SLC6A2: variants seen among roughly 807,000 people sequenced by gnomAD.
The protein encoded by SLC6A2 is sodium-dependent noradrenaline transporter.
A neutral mutation model predicts 71.7 loss-of-function variants in SLC6A2; 26 were observed. The ratio of observed to expected loss-of-function variants is 0.36; its 90% CI spans 0.27 to 0.50. SLC6A2 has a LOEUF of 0.50. Among genes scored for constraint, SLC6A2 ranks in the 20% least tolerant of loss-of-function variants. The pLI, the probability that SLC6A2 is intolerant of heterozygous loss-of-function variation, is 0.96. For missense variants in SLC6A2, 581 were observed against 803.9 expected (o/e 0.72, Z 3.35); for synonymous variants, 363 against 337.9 (o/e 1.07, Z -0.82).
At chr16:55,688,169 G>C (rs767680103) in intron 5 of SLC6A2, among the ~76,000 whole-genome samples, 1 of 152,304 alleles carries the variant, frequency 6.6e-6, no homozygotes, top group South Asian at 2.1e-4. Flanking sequence ...GAAACCAAGA[G>C]TGTTGCTTAT....
intron 2 of SLC6A2, among the ~76,000 whole-genome samples, chr16:55,666,277 C>T (rs1370180897): frequency 6.6e-6 from 1 of 152,212 alleles, no homozygotes; most frequent in African/African-American, 2.4e-5. Context: ...CAGTTACAAG[C>T]CTTGCAGAGC....
intron 2 of SLC6A2, among the ~76,000 whole-genome samples, chr16:55,663,561 C>T (rs1469917911): frequency 1.3e-5 from 2 of 152,290 alleles, no homozygotes; most frequent in Non-Finnish European, 2.9e-5. Context: ...GCTAAACAGA[C>T]CAAGGCACTC....
chr16:55,672,130 C>T lies in SLC6A2; in HGVS notation c.599C>T (p.Thr200Ile), dbSNP rs1302416109. 6.2e-7 allele frequency: 1 copy of T among 1,614,064 alleles called. No individual in the cohort carries two copies. The highest frequency in any genetic ancestry group is 8.5e-7 in the Non-Finnish European group (1 of 1,180,044). ...LLNGSVLGNH[T>I]KYSKYKFTPA... The stretch of plus-strand genomic sequence containing the variant: ...AATGGCTCCGTGCTTGGCAACCACA[C>T]CAAGTACTCCAAGTACAAGTTCACG... The change falls in exon 4 of 15, where the codon ACC (threonine) becomes ATC (isoleucine). Residue 200 changes from threonine to isoleucine, a missense_variant. Thr to Ile is a moderately conservative substitution (Grantham distance 89). This residue lies in a region of SLC6A2 where 87 missense variants were observed against 99.5 expected (regional missense o/e 0.87). Coordinates refer to ENST00000568943, the MANE Select transcript of SLC6A2 (RefSeq NM_001172501.3).
Position 55,656,412 on chromosome 16 carries a change from C to G in SLC6A2, c.-51-232C>G. On this transcript the variant is annotated intron_variant, in intron 1 of 14. Coordinates refer to ENST00000568943, the MANE Select transcript of SLC6A2 (RefSeq NM_001172501.3). The surrounding 1 kb of genome is among the most constrained non-coding windows in gnomAD (Gnocchi z 4.5). ...AGTGGGTGAACGAGGAAAAGTGCTG[C>G]AGGGTCTTCAGCCGCCCCCAGAGGG... is the stretch of plus-strand genomic sequence containing the variant. 1 of 536,666 alleles carries G rather than the reference C, an allele frequency of 1.9e-6. No homozygotes were observed. The highest frequency in any genetic ancestry group is 3.4e-6 in the Non-Finnish European group (1 of 296,908). 33.2% of individuals were successfully genotyped at this position (536,666 alleles called of 1,614,324 possible).
At chr16:55,700,757 G>T (rs1965948875) in intron 13 of SLC6A2, among the ~76,000 whole-genome samples, 1 of 152,020 alleles carries the variant, frequency 6.6e-6, no homozygotes, top group Admixed American at 6.6e-5. Context: ...CTAATAATCT[G>T]ATCAGCCTAA....
intron 3 of SLC6A2, 69 bp from the exon 4 acceptor site, chr16:55,671,869 A>G (rs1224414686): frequency 1.2e-6 from 2 of 1,608,612 alleles, no homozygotes; most frequent in Non-Finnish European, 1.7e-6. Flanking sequence ...TGGTGGAGCC[A>G]CACCCAAGGA....
At chr16:55,669,368 C>T (rs1964841124) in intron 2 of SLC6A2, among the ~76,000 whole-genome samples, 197 bp from the exon 3 acceptor site, 1 of 152,120 alleles carries the variant, frequency 6.6e-6, no homozygotes, top group Non-Finnish European at 1.5e-5. Context: ...GACCACAGAA[C>T]CTCACTATTA....
intron 4 of SLC6A2, among the ~76,000 whole-genome samples, chr16:55,672,983 G>A (rs74470556): frequency 0.033 from 5,013 of 152,242 alleles, 117 homozygotes; most frequent in South Asian, 0.066. Context: ...GTTTGAAACC[G>A]GAAAATTAAC....
intron 4 of SLC6A2, among the ~76,000 whole-genome samples, chr16:55,680,498 A>C (rs1180139881): frequency 6.6e-6 from 1 of 152,200 alleles, no homozygotes; most frequent in Non-Finnish European, 1.5e-5. Flanking sequence ...AGTAAGATGC[A>C]GGCCAGAAGA....
At chr16:55,688,080 G>A (rs1226330471) in intron 5 of SLC6A2, among the ~76,000 whole-genome samples, 1 of 152,240 alleles carries the variant, frequency 6.6e-6, no homozygotes, top group Non-Finnish European at 1.5e-5. Flanking sequence ...TCCATGGAGA[G>A]GAGATTTTTA....
chr16:55,692,973 A>G (rs1965683409), intron 6 of SLC6A2, among the ~76,000 whole-genome samples: 1 of 152,220 alleles, frequency 6.6e-6, no homozygotes, highest in South Asian at 2.1e-4. Flanking sequence ...TTGTTCTGTG[A>G]CTGTTTATGC....
At chr16:55,671,703 C>G (rs1212596652) in intron 3 of SLC6A2, 1 of 762,004 alleles carries the variant, frequency 1.3e-6, no homozygotes, top group Non-Finnish European at 2.1e-6. Flanking sequence ...ATCTAACTAA[C>G]GCCTGATGAC....
At chr16:55,688,860 A>C (rs1287031726) in intron 5 of SLC6A2, among the ~76,000 whole-genome samples, 1 of 152,116 alleles carries the variant, frequency 6.6e-6, no homozygotes, top group African/African-American at 2.4e-5. Flanking sequence ...CAATTTGAAA[A>C]TTCCTTCTTT....
chr16:55,667,576 G>A (rs1964789017), intron 2 of SLC6A2, among the ~76,000 whole-genome samples: 1 of 152,208 alleles, frequency 6.6e-6, no homozygotes, highest in Admixed American at 6.5e-5. Context: ...ACATGGGTCA[G>A]GTGGCAAACC....
rs9934035 is a variant in SLC6A2 at position 55,659,077 on chromosome 16, G to T, written c.274+2109G>T. ...ACTGCTTGTCTCTAGACAGTGGAAG[G>T]CTCTGTCATTAATCAGTAATATTTT... On this transcript the variant is annotated intron_variant, in intron 2 of 14. Coordinates refer to ENST00000568943, the MANE Select transcript of SLC6A2 (RefSeq NM_001172501.3). Among the ~76,000 whole-genome samples, 6 of 152,214 alleles carry T rather than the reference G, an allele frequency of 3.9e-5. No homozygotes were observed. In the East Asian group the frequency reaches 9.7e-4, roughly 25 times the overall value.
In SLC6A2 at chr16:55,656,769, T is replaced by C. The variant is rs1964463235; in HGVS notation, c.75T>C (p.Leu25=). Residue 25 remains leucine, a synonymous_variant, in exon 2 of 15, where the codon CTT becomes CTC. Coordinates refer to ENST00000568943, the MANE Select transcript of SLC6A2 (RefSeq NM_001172501.3). This position sits in a 1 kb window ranked among gnomAD's most constrained non-coding sequence, Gnocchi z 4.5. ...NGADTGPEQP[L]RARKTAELLV... Reference sequence around the variant, plus strand: ...CGGACACGGGTCCAGAGCAGCCCCTTCGGGCGCGCAAAACTGCGGAGCTGC... The same window carrying C: ...CGGACACGGGTCCAGAGCAGCCCCTCCGGGCGCGCAAAACTGCGGAGCTGC... 5 of 1,613,200 alleles carry C rather than the reference T, an allele frequency of 3.1e-6. No homozygotes were observed. The highest frequency in any genetic ancestry group is 4.2e-6 in the Non-Finnish European group (5 of 1,179,804).
intron 2 of SLC6A2, among the ~76,000 whole-genome samples, chr16:55,667,920 C>T (rs1964798497): frequency 6.6e-6 from 1 of 152,170 alleles, no homozygotes; most frequent in Admixed American, 6.5e-5. Flanking sequence ...AGGATAAGGT[C>T]GGTCAGGTCA....
Position 55,698,380 on chromosome 16 carries a change from CA to C in SLC6A2, c.1390-88del, listed in dbSNP as rs1965865304. On this transcript the variant is annotated intron_variant, in intron 10 of 14. Coordinates refer to ENST00000568943, the MANE Select transcript of SLC6A2 (RefSeq NM_001172501.3). ...CAAATAGAGCTCCGAGCAAGTGGGACAGGGGGCAGGTAAGAGTTGACAGACA... is the reference window on the plus strand; with the variant it reads ...CAAATAGAGCTCCGAGCAAGTGGGACGGGGGCAGGTAAGAGTTGACAGACA... 21 of 929,944 alleles carry C rather than the reference CA, an allele frequency of 2.3e-5. 1 individual carries two copies. The South Asian group carries it at 2.8e-4, about 12-fold the overall frequency. The allele number at this position is 929,944 out of a possible 1,614,324, so 57.6% of individuals were successfully genotyped here. A position where few individuals can be genotyped will look rare whatever the true frequency, so the allele number is the denominator to read the frequency against.
intron 11 of SLC6A2, 63 bp from the exon 12 acceptor site, chr16:55,699,491 G>A: frequency 1.5e-6 from 2 of 1,313,200 alleles, no homozygotes; most frequent in South Asian, 1.2e-5. Context: ...AGAACCTCAT[G>A]GGAGGACCTG....
Sources: allele counts gnomAD v4.1 joint callset (sites outside exome capture counted in the v4.1 genomes callset), GRCh38; gene constraint gnomAD v4.1.1; regional missense constraint gnomAD v4.1.1; non-coding constraint Gnocchi (gnomAD v3.1); transcripts MANE v1.5; gene names NCBI Gene and HGNC (gene_info 2026-07-23, HGNC 2026-07-21).